Variants in NAT10 observed in about 807,000 individuals in gnomAD.
NAT10 encodes the protein RNA cytidine acetyltransferase.
A neutral mutation model predicts 132.2 loss-of-function variants in NAT10; 109 were observed. The observed-to-expected ratio is 0.82, with a 90% CI of 0.71 to 0.97. NAT10 has a LOEUF of 0.97. Ranked by LOEUF, NAT10 falls within the 50% of genes least tolerant of loss-of-function variation. The pLI is 0.00. For synonymous variants in NAT10, 479 were observed against 478.0 expected, an observed-to-expected ratio of 1.00 and a Z score of -0.03; for missense variants, 1,184 against 1,263.4, an observed-to-expected ratio of 0.94 and a Z score of 0.95.
chr11:34,139,449 T>A lies in NAT10; in HGVS notation c.2373T>A (p.Ala791=). ...TCAGTACCTTCTCTCCTTCCCTGGC[T>A]CTGAACATCATTCAGAACAGGAACA... ...YQFSTFSPSL[A]LNIIQNRNMG... Residue 791 remains alanine, a synonymous_variant, in exon 23 of 29, where the codon GCT becomes GCA. Transcript: ENST00000257829. 1 of 1,614,126 alleles carries A rather than the reference T, an allele frequency of 6.2e-7. No homozygotes were observed. The highest frequency in any genetic ancestry group is 8.5e-7 in the Non-Finnish European group (1 of 1,180,002).
At chr11:34,141,639 A>C in intron 25 of NAT10, 80 bp from the exon 26 acceptor site, 1 of 1,244,772 alleles carries the variant, frequency 8.0e-7, no homozygotes. Context: ...TTTCTATAAG[A>C]CACCAAGTGT....
chr11:34,135,349 GT>G, intron 19 of NAT10, 58 bp downstream of exon 19: 2 of 1,443,728 alleles, frequency 1.4e-6, no homozygotes, highest in African/African-American at 1.4e-5. Flanking sequence ...AATTCTCTGG[GT>G]TTTTAGGGGC....
chr11:34,133,039 A>G lies in NAT10; in HGVS notation c.1631A>G (p.Asp544Gly), dbSNP rs1692853722. The change falls in exon 16 of 29, where the codon GAT becomes GGT. Residue 544 changes from aspartate to glycine, a missense_variant. Transcript: ENST00000257829. ...VASHYKNSPN[D>G]LQMLSDAPAH... ...TGGCTTCCACAGAACTCTCCCAATGATCTCCAGATGCTCTCCGATGCACCT... is the reference window on the plus strand; with the variant it reads ...TGGCTTCCACAGAACTCTCCCAATGGTCTCCAGATGCTCTCCGATGCACCT... The G allele has an allele frequency of 6.2e-7, 1 of 1,613,858 alleles. No homozygotes were observed. Among genetic ancestry groups the G allele is most frequent in the Non-Finnish European group, 8.5e-7 (1 of 1,179,932 alleles).
At chr11:34,140,290 C>G (rs1852297307) in intron 23 of NAT10, 110 bp from the exon 24 acceptor site, 1 of 1,060,332 alleles carries the variant, frequency 9.4e-7, no homozygotes. Context: ...GGTATGGCTG[C>G]CAGGCCCTGT....
At chr11:34,105,832 G>C (rs1326856900) in intron 1 of NAT10, 40 bp downstream of exon 1, 2 of 152,344 alleles carry the variant, frequency 1.3e-5, no homozygotes, top group Non-Finnish European at 2.9e-5. Flanking sequence ...TGCCAAGATC[G>C]GTGTCTGTGT....
At chr11:34,129,506 C>T (rs1354454277) in intron 12 of NAT10, among the ~76,000 whole-genome samples, 1 of 145,772 alleles carries the variant, frequency 6.9e-6, no homozygotes, top group Non-Finnish European at 1.5e-5. Flanking sequence ...TGTAAGGGTT[C>T]TTTATATATT....
Position 34,135,163 on chromosome 11 carries a change from G to C in NAT10, c.1912-12G>C. The C allele has an allele frequency of 6.2e-7, 1 of 1,610,762 alleles. No homozygotes were observed. The highest frequency in any genetic ancestry group is 1.1e-5 in the South Asian group (1 of 90,974). Reference sequence around the variant, plus strand: ...CTTCCCTCGGCCTCTTCCCCTTCACGTTTGCTCCTAGATGGGCTATGGCAG... The same window carrying C: ...CTTCCCTCGGCCTCTTCCCCTTCACCTTTGCTCCTAGATGGGCTATGGCAG... On this transcript the variant is annotated splice_polypyrimidine_tract_variant and intron_variant, in intron 18 of 28. Coordinates refer to ENST00000257829, the MANE Select transcript of NAT10 (RefSeq NM_024662.3).
chr11:34,109,588 C>G (rs577741801), intron 3 of NAT10, among the ~76,000 whole-genome samples: 2 of 152,360 alleles, frequency 1.3e-5, no homozygotes, highest in African/African-American at 4.8e-5. Flanking sequence ...TACCAGTTCA[C>G]TGCTGTATTT....
At chr11:34,114,360 G>A (rs543217766) in intron 5 of NAT10, among the ~76,000 whole-genome samples, 1 of 152,294 alleles carries the variant, frequency 6.6e-6, no homozygotes, top group South Asian at 2.1e-4. Flanking sequence ...CTGATGCAGA[G>A]CTGGTCTCCT....
chr11:34,131,448 G>A lies in NAT10; in HGVS notation c.1437G>A (p.Lys479=), dbSNP rs756664293. Residue 479 remains lysine, a synonymous_variant, in exon 14 of 29, where the codon AAG becomes AAA. Transcript: ENST00000257829. ...IRYAPGDAVE[K]WLNDLLCLDC... is the part of the protein sequence containing the mutation. ...ACGCCCCTGGGGATGCAGTGGAGAA[G>A]TGGCTGAATGACTTGCTGTGCCTGG... 1.9e-6 allele frequency: 3 copies of A among 1,614,160 alleles called. No homozygotes were observed. Among genetic ancestry groups the A allele is most frequent in the Non-Finnish European group, 2.5e-6 (3 of 1,180,036 alleles).
rs778128271 is a variant in NAT10, at chr11:34,146,206, G to A, written c.*14G>A. ...CGGAAGAAATAGTGAAGAGAAACTC[G>A]GGCATCTGTGTTTGATCATGGGAAG... On this transcript the variant is annotated 3_prime_UTR_variant, in exon 29 of 29. Transcript: ENST00000257829. The A allele has an allele frequency of 2.6e-5, 41 of 1,548,122 alleles. No individual in the cohort carries two copies. The highest frequency in any genetic ancestry group is 3.3e-5 in the Non-Finnish European group (37 of 1,133,206).
At chr11:34,144,504 A>G (rs1852398317) in intron 28 of NAT10, among the ~76,000 whole-genome samples, 1 of 152,218 alleles carries the variant, frequency 6.6e-6, no homozygotes, top group African/African-American at 2.4e-5. Flanking sequence ...TTTTGCTGTC[A>G]TATCTTATAC....
rs200365213 is a variant in NAT10, at chr11:34,133,078, T to C, written c.1670T>C (p.Phe557Ser). 6.2e-7 allele frequency: 1 copy of C among 1,614,202 alleles called. No homozygotes were observed. Among genetic ancestry groups the C allele is most frequent in the South Asian group, 1.1e-5 (1 of 91,084 alleles). The part of the protein sequence containing the change: ...MLSDAPAHHL[F>S]CLLPPVPPTQ... ...TCCGATGCACCTGCTCACCATCTCT[T>C]CTGCCTTCTGCCTCCCGTGCCCCCC... The change falls in exon 16 of 29, where the codon TTC becomes TCC. Residue 557 changes from phenylalanine to serine, a missense_variant. Physicochemically the swap from Phe to Ser is radical, Grantham distance 155. Transcript: ENST00000257829.
At chr11:34,137,049 GAGA>G in intron 21 of NAT10, 23 bp downstream of exon 21, 2 of 1,614,024 alleles carry the variant, frequency 1.2e-6, no homozygotes, top group South Asian at 2.2e-5. Flanking sequence ...TCCAGCAGAG[GAGA>G]AGTTTAGGTT....
At chr11:34,113,620 G>C in intron 4 of NAT10, 96 bp from the exon 5 acceptor site, 4 of 1,379,010 alleles carry the variant, frequency 2.9e-6, no homozygotes, top group Non-Finnish European at 3.8e-6. Flanking sequence ...CTGGGCGACA[G>C]AGCAAGACTC....
intron 19 of NAT10, 36 bp from the exon 20 acceptor site, chr11:34,136,606 T>C (rs757451164): frequency 4.8e-5 from 77 of 1,613,834 alleles, no homozygotes; most frequent in Non-Finnish European, 6.4e-5. Context: ...CTCCCTCTGC[T>C]GAATGGACTG....
At chr11:34,131,684 T>C (rs560634460) in intron 14 of NAT10, among the ~76,000 whole-genome samples, 153 bp downstream of exon 14, 1 of 150,132 alleles carries the variant, frequency 6.7e-6, no homozygotes, top group East Asian at 1.9e-4. Flanking sequence ...TTTTTTTTTT[T>C]TCTTTCTTTT....
intron 21 of NAT10, among the ~76,000 whole-genome samples, chr11:34,137,972 G>A (rs1308954354): frequency 6.6e-6 from 1 of 152,202 alleles, no homozygotes; most frequent in Non-Finnish European, 1.5e-5. Context: ...CCTGGCCAGA[G>A]GGAAGAGGAG....
chr11:34,120,245 G>A (rs1429740620), intron 8 of NAT10, among the ~76,000 whole-genome samples: 2 of 140,846 alleles, frequency 1.4e-5, no homozygotes, highest in Admixed American at 7.6e-5. Context: ...ATTTTAGGAT[G>A]CATTTTAGTC....
Sources: gnomAD v4.1 joint callset for allele counts (sites outside exome capture counted in the v4.1 genomes callset) on GRCh38, gnomAD v4.1.1 for gene constraint, MANE v1.5 for transcripts, NCBI Gene and HGNC (gene_info 2026-07-23, HGNC 2026-07-21) for gene names.